The following ACAA2 variants were observed in gnomAD, a reference collection of about 807,000 sequenced individuals.
ACAA2 encodes the protein acetyl-CoA acyltransferase 2.
ACAA2 carries 35 observed loss-of-function variants against 44.8 expected under a neutral mutation model. The ratio of observed to expected loss-of-function variants is 0.78; its 90% CI spans 0.60 to 1.04. The LOEUF (loss-of-function observed/expected upper bound fraction) is 1.04. ACAA2 is among the 50% of genes least tolerant of loss of function. The pLI is 0.00. For synonymous variants in ACAA2, 142 were observed against 166.5 expected (o/e 0.85, Z 1.13); for missense variants, 468 against 482.6 (o/e 0.97, Z 0.28).
At chr18:49,809,554 G>C (rs1031004497) in intron 1 of ACAA2, among the ~76,000 whole-genome samples, 1 of 152,176 alleles carries the variant, frequency 6.6e-6, no homozygotes, top group African/African-American at 2.4e-5. Flanking sequence ...GCAATAAAAA[G>C]AAGTGAGCTA....
intron 4 of ACAA2, among the ~76,000 whole-genome samples, chr18:49,795,203 TGGGAATGAGAAGAAAA>T (rs1381141383): frequency 6.6e-6 from 1 of 152,194 alleles, no homozygotes; most frequent in Non-Finnish European, 1.5e-5. Context: ...CCCTTTCACA[TGGGAATGAGAAGAAAA>T]CATCATTCTT....
At chr18:49,795,980 A>G in intron 3 of ACAA2, 99 bp from the exon 4 acceptor site, 3 of 759,206 alleles carry the variant, frequency 4.0e-6, no homozygotes, top group Non-Finnish European at 4.5e-6. Context: ...AATCAAACAA[A>G]TATTGTACTG....
chr18:49,807,215 C>T (rs749307329), intron 1 of ACAA2, among the ~76,000 whole-genome samples: 16 of 152,038 alleles, frequency 1.1e-4, no homozygotes, highest in South Asian at 6.2e-4. Flanking sequence ...GGCAACATAG[C>T]GAGATCCCCA....
intron 7 of ACAA2, among the ~76,000 whole-genome samples, chr18:49,790,187 A>T (rs1351254600): frequency 1.3e-5 from 2 of 152,266 alleles, no homozygotes; most frequent in African/African-American, 2.4e-5. Context: ...CCAAAAGCTA[A>T]TAAGCTTAAG....
At chr18:49,789,804 A>G (rs1335961836) in intron 7 of ACAA2, among the ~76,000 whole-genome samples, 1 of 152,058 alleles carries the variant, frequency 6.6e-6, no homozygotes, top group East Asian at 1.9e-4. Flanking sequence ...GCCAACGTGG[A>G]AAAACCCTGT....
At chr18:49,803,122 G>A (rs2023574348) in intron 1 of ACAA2, among the ~76,000 whole-genome samples, 1 of 151,634 alleles carries the variant, frequency 6.6e-6, no homozygotes, top group Non-Finnish European at 1.5e-5. Flanking sequence ...TGCGCACCCC[G>A]CCCCCCTTGC....
At chr18:49,802,577 A>AAATT in intron 2 of ACAA2, 110 bp downstream of exon 2, 1 of 1,095,030 alleles carries the variant, frequency 9.1e-7, no homozygotes. Context: ...AAAAAAAAAA[A>AAATT]GTCTATAACT....
intron 2 of ACAA2, among the ~76,000 whole-genome samples, chr18:49,799,217 TCTCCCCCTCCTC>T (rs1469486765): frequency 6.6e-6 from 1 of 151,934 alleles, no homozygotes; most frequent in Non-Finnish European, 1.5e-5. Context: ...CAGCTCTCCC[TCTCCCCCTCCTC>T]CTCCCCCTCT....
At chr18:49,812,227 G>A (rs1489006049) in intron 1 of ACAA2, among the ~76,000 whole-genome samples, 1 of 152,162 alleles carries the variant, frequency 6.6e-6, no homozygotes, top group African/African-American at 2.4e-5. Context: ...TTGTTCCCAT[G>A]CCACTTTGGT....
Position 49,813,498 on chromosome 18 carries a change from T to C in ACAA2, c.-14A>G, listed in dbSNP as rs2065172441. 4.0e-6 allele frequency: 5 copies of C among 1,240,526 alleles called. No individual in the cohort carries two copies. In the African/African-American group the frequency reaches 6.2e-5, roughly 15 times the overall value. The allele number at this position is 1,240,526 out of a possible 1,614,324, so 76.8% of individuals were successfully genotyped here. ...GAGCAGAGCCATGGCGGCTGCTGGG[T>C]CGTCGGCGGCGCGGGTCTGTGGTGT... On this transcript the variant is annotated 5_prime_UTR_variant, in exon 1 of 10. Transcript: ENST00000285093.
At chr18:49,792,103 G>C (rs17713584) in intron 6 of ACAA2, 49 bp downstream of exon 6, 72,774 of 1,498,984 alleles carry the variant, frequency 0.049, 2,030 homozygotes, top group Middle Eastern at 0.062. Context: ...GATTACTTTT[G>C]TTGAACACAC....
At chr18:49,798,553 T>C (rs532052873) in intron 2 of ACAA2, among the ~76,000 whole-genome samples, 4 of 152,194 alleles carry the variant, frequency 2.6e-5, no homozygotes, top group African/African-American at 9.6e-5. Context: ...AAAGCAAGTT[T>C]GACAAAATGT....
chr18:49,789,814 T>G (rs935183064), intron 7 of ACAA2, among the ~76,000 whole-genome samples: 1 of 152,044 alleles, frequency 6.6e-6, no homozygotes, highest in Non-Finnish European at 1.5e-5. Context: ...AAAAACCCTG[T>G]CTCTGCTAAA....
intron 3 of ACAA2, 128 bp downstream of exon 3, chr18:49,797,338 T>A (rs1179507326): frequency 6.6e-6 from 5 of 755,472 alleles, no homozygotes; most frequent in Admixed American, 2.7e-5. Flanking sequence ...AGTGGTATGA[T>A]CATGGTTTAC....
chr18:49,812,371 T>C (rs2023680154), intron 1 of ACAA2, among the ~76,000 whole-genome samples: 1 of 11,816 alleles, frequency 8.5e-5, no homozygotes, highest in Non-Finnish European at 1.4e-4. Flanking sequence ...TTTCCCAATT[T>C]TCCTCACTCT....
intron 7 of ACAA2, 140 bp from the exon 8 acceptor site, chr18:49,787,501 C>T (rs775850531): frequency 1.0e-4 from 62 of 590,902 alleles, no homozygotes; most frequent in East Asian, 4.4e-4. Context: ...CTACCTTGAC[C>T]GTACCTATTA....
In ACAA2 at chr18:49,785,274, A is replaced by T; in HGVS notation, c.1032T>A (p.Asn344Lys). ...GGTGACCCAAAGCAATGGCTCCTCC[A>T]TTCACATTGGTTTTACTTATGTCAA... Reference protein sequence around the residue: ...LDLDISKTNVNGGAIALGHPL... With the variant: ...LDLDISKTNVKGGAIALGHPL... The change falls in exon 9 of 10, where the codon AAT (asparagine) becomes AAA (lysine). Residue 344 changes from asparagine (N) to lysine (K), a missense_variant. By Grantham distance (94) the Asn-to-Lys change is moderately conservative. Transcript: ENST00000285093. 1 of 1,614,180 alleles carries T rather than the reference A, an allele frequency of 6.2e-7. No individual in the cohort carries two copies. Among genetic ancestry groups the T allele is most frequent in the Non-Finnish European group, 8.5e-7 (1 of 1,180,008 alleles).
chr18:49,802,860 C>T lies in ACAA2; in HGVS notation c.17-7G>A, dbSNP rs762215141. 9 of 1,613,776 alleles carry T rather than the reference C, an allele frequency of 5.6e-6. No homozygotes were observed. In the South Asian group the frequency reaches 9.9e-5, roughly 18 times the overall value. On this transcript the variant is annotated splice_polypyrimidine_tract_variant and splice_region_variant and intron_variant, in intron 1 of 9. Transcript: ENST00000285093. ...GCAGCAACTACAAACACACCTATTGCAACAAGAAGAGATTTGTAAGCCATC... is the reference window on the plus strand; with the variant it reads ...GCAGCAACTACAAACACACCTATTGTAACAAGAAGAGATTTGTAAGCCATC...
intron 1 of ACAA2, chr18:49,813,016 G>C (rs1337789540): frequency 6.2e-6 from 1 of 160,994 alleles, no homozygotes. Context: ...CAGAACACCA[G>C]CTACCATTTC....
Sources: allele counts gnomAD v4.1 joint callset (sites outside exome capture counted in the v4.1 genomes callset), GRCh38; gene constraint gnomAD v4.1.1; transcripts MANE v1.5; gene names NCBI Gene and HGNC (gene_info 2026-07-23, HGNC 2026-07-21).